Variants in C2orf76 observed in about 807,000 individuals in gnomAD.
The protein encoded by C2orf76 is chromosome 2 open reading frame 76, also known as UPF0538 protein C2orf76.
Under a neutral mutation model 16.9 loss-of-function variants are expected in C2orf76, and 23 were observed. That is an observed-to-expected ratio of 1.36 (90% confidence interval 0.98 to 1.93). The LOEUF is 1.93. Among genes scored for constraint, C2orf76 ranks in the 30% most tolerant of loss-of-function variants. C2orf76 has a pLI of 0.00. For synonymous variants in C2orf76, 48 were observed against 52.3 expected (o/e 0.92, Z 0.35); for missense variants, 152 against 152.6 (o/e 1.00, Z 0.02).
intron 3 of C2orf76, 144 bp downstream of exon 3, chr2:119,321,010 T>C: frequency 2.2e-6 from 1 of 453,780 alleles, no homozygotes. Context: ...TTCAGCAATA[T>C]ACTAGCATTC....
the C2orf76 span, among the ~76,000 whole-genome samples, chr2:119,281,822 G>A: frequency 5.3e-5 from 8 of 152,226 alleles, no homozygotes; most frequent in East Asian, 1.9e-4. Flanking sequence ...TCTTAAGGAC[G>A]TTGCCATCAC....
At chr2:119,364,608 AC>A (rs531903295) in intron 1 of C2orf76, among the ~76,000 whole-genome samples, 28 of 152,250 alleles carry the variant, frequency 1.8e-4, no homozygotes, top group South Asian at 4.2e-4. Context: ...ATACACAATG[AC>A]CCCATCTCCT....
At chr2:119,302,674 T>G (rs1471381666) in intron 5 of C2orf76, 126 bp from the exon 6 acceptor site, 1 of 458,340 alleles carries the variant, frequency 2.2e-6, no homozygotes, top group Non-Finnish European at 3.8e-6. Flanking sequence ...GTGAAAAAGA[T>G]GAGTTATTTG....
chr2:119,309,725 G>A (rs1461705211), intron 5 of C2orf76, among the ~76,000 whole-genome samples: 2 of 151,932 alleles, frequency 1.3e-5, no homozygotes, highest in Non-Finnish European at 2.9e-5. Flanking sequence ...CCGACCCCAG[G>A]CTAATAACTT....
intron 1 of C2orf76, among the ~76,000 whole-genome samples, chr2:119,358,473 A>G (rs778061623): frequency 1.3e-5 from 2 of 151,496 alleles, no homozygotes. Context: ...AGCTACTCAG[A>G]AGGCTGAGGC....
chr2:119,282,614 G>A, the C2orf76 span, among the ~76,000 whole-genome samples: 7 of 152,224 alleles, frequency 4.6e-5, no homozygotes, highest in South Asian at 2.1e-4. Flanking sequence ...CCTGTAAAGC[G>A]TCCGTCTCTG....
chr2:119,287,218 T>C, the C2orf76 span, among the ~76,000 whole-genome samples: 2 of 152,246 alleles, frequency 1.3e-5, no homozygotes, highest in African/African-American at 4.8e-5. Flanking sequence ...GGCTGTTTTA[T>C]GCCTGGCTCA....
intron 2 of C2orf76, among the ~76,000 whole-genome samples, chr2:119,337,368 G>A (rs1464630300): frequency 1.3e-5 from 2 of 152,074 alleles, no homozygotes; most frequent in East Asian, 3.9e-4. Flanking sequence ...ACTGCAGGTG[G>A]CCAGGCAAGC....
At chr2:119,291,509 CAT>C in the C2orf76 span, among the ~76,000 whole-genome samples, 1 of 151,908 alleles carries the variant, frequency 6.6e-6, no homozygotes, top group South Asian at 2.1e-4. Context: ...GTCAGGGAAA[CAT>C]GTGACAGGTA....
chr2:119,311,392 A>G, intron 5 of C2orf76: 5 of 985,434 alleles, frequency 5.1e-6, no homozygotes, highest in Non-Finnish European at 6.0e-6. Context: ...ATACCTTCTG[A>G]AAACAGCCAT....
chr2:119,328,308 G>A (rs1265238667), intron 2 of C2orf76, among the ~76,000 whole-genome samples: 1 of 152,112 alleles, frequency 6.6e-6, no homozygotes, highest in Non-Finnish European at 1.5e-5. Context: ...ATACAGAGTT[G>A]TTCATGCCGT....
downstream of C2orf76, among the ~76,000 whole-genome samples, chr2:119,300,602 C>A (rs1404207940): frequency 6.6e-6 from 1 of 152,220 alleles, no homozygotes; most frequent in Non-Finnish European, 1.5e-5. Context: ...CCAATAAACT[C>A]ATTGTTGGTT....
At chr2:119,309,180 C>T (rs878857417) in intron 5 of C2orf76, among the ~76,000 whole-genome samples, 12 of 152,158 alleles carry the variant, frequency 7.9e-5, no homozygotes, top group Admixed American at 7.9e-4. Context: ...GCATGAGCCA[C>T]TGCACCTGGC....
At chr2:119,286,224 CAAAAAAAA>C in the C2orf76 span, among the ~76,000 whole-genome samples, 7 of 60,362 alleles carry the variant, frequency 1.2e-4, no homozygotes, top group African/African-American at 1.1e-4. Flanking sequence ...GACTCCATCT[CAAAAAAAA>C]AAAAAAAAAA....
At chr2:119,312,077 G>A (rs1679010551) in intron 4 of C2orf76, among the ~76,000 whole-genome samples, 1 of 152,128 alleles carries the variant, frequency 6.6e-6, no homozygotes, top group Non-Finnish European at 1.5e-5. Context: ...ACAGGATGGG[G>A]CATATAAACC....
In C2orf76 at chr2:119,348,686, T is replaced by C. The variant is rs549887410; in HGVS notation, c.-12-8715A>G. 8.8e-5 allele frequency among the ~76,000 whole-genome samples: 12 copies of C among 136,930 alleles called. 1 individual carries two copies. In the East Asian group the frequency reaches 2.6e-3, roughly 29 times the overall value. The allele number at this position is 136,930 out of a possible 152,430, so 89.8% of individuals were successfully genotyped here. On this transcript the variant is annotated intron_variant, in intron 1 of 5. Transcript: ENST00000334816. ...GGAAGACAAGAGTGGAACTCTGTCT[T>C]AAAAAAAAAAAGAAAAGAAGTTAAA...
At chr2:119,308,135 A>G (rs1029525621) in intron 5 of C2orf76, among the ~76,000 whole-genome samples, 2 of 152,250 alleles carry the variant, frequency 1.3e-5, no homozygotes, top group African/African-American at 4.8e-5. Context: ...ACTTTTAAAA[A>G]AAATTCGTCC....
chr2:119,350,054 C>A (rs1014739820), intron 1 of C2orf76, among the ~76,000 whole-genome samples: 1 of 112,044 alleles, frequency 8.9e-6, no homozygotes, highest in African/African-American at 3.8e-5. Context: ...TGAGCCACCA[C>A]GCCCCGCCCA....
At chr2:119,316,894 T>TA (rs1241761481) in intron 4 of C2orf76, among the ~76,000 whole-genome samples, 2 of 152,100 alleles carry the variant, frequency 1.3e-5, no homozygotes, top group African/African-American at 2.4e-5. Context: ...TCTAAAAAAG[T>TA]AAAAAAACAG....
Sources: gnomAD v4.1 joint callset for allele counts (sites outside exome capture counted in the v4.1 genomes callset) on GRCh38, gnomAD v4.1.1 for gene constraint, MANE v1.5 for transcripts, NCBI Gene and HGNC (gene_info 2026-07-23, HGNC 2026-07-21) for gene names.